Variants in SPACA7 observed in about 807,000 individuals in gnomAD.
The protein encoded by SPACA7 is sperm acrosome-associated protein 7.
SPACA7 carries 19 observed loss-of-function variants against 26.3 expected under a neutral mutation model. The observed-to-expected ratio is 0.72, with a 90% CI of 0.50 to 1.06. The LOEUF (loss-of-function observed/expected upper bound fraction) is 1.06. Among genes scored for constraint, SPACA7 ranks in the 50% least tolerant of loss-of-function variants. The pLI is 0.00. For synonymous variants in SPACA7, 84 were observed against 84.5 expected (o/e 0.99, Z 0.04); for missense variants, 211 against 229.9 (o/e 0.92, Z 0.53).
At chr13:112,401,887 A>C (rs1403031154) in intron 5 of SPACA7, among the ~76,000 whole-genome samples, 2 of 152,184 alleles carry the variant, frequency 1.3e-5, no homozygotes, top group Non-Finnish European at 2.9e-5. Flanking sequence ...ATTACACACA[A>C]AGTTTTTCTG....
intron 4 of SPACA7, 120 bp downstream of exon 4, chr13:112,399,293 T>C (rs1885484979): frequency 2.9e-6 from 2 of 696,548 alleles, no homozygotes; most frequent in Non-Finnish European, 5.2e-6. Flanking sequence ...TGGGAGAATG[T>C]GCCCACTTCC....
intron 5 of SPACA7, among the ~76,000 whole-genome samples, chr13:112,415,965 T>C (rs545096182): frequency 1.3e-5 from 2 of 151,804 alleles, no homozygotes; most frequent in South Asian, 4.2e-4. Context: ...GAGGCCAGCA[T>C]TGAGCTCCAA....
In SPACA7 at chr13:112,396,013, C is replaced by T. The variant is rs866326230; in HGVS notation, c.152-2036C>T. ...CTGGGCAGCTCACCCTGGGGTGGCTCGGCCCCCCGCCTCTCTTTGGCCCCC... is the reference window on the plus strand; with the variant it reads ...CTGGGCAGCTCACCCTGGGGTGGCTTGGCCCCCCGCCTCTCTTTGGCCCCC... On this transcript the variant is annotated intron_variant, in intron 2 of 6. Coordinates refer to ENST00000283550, the MANE Select transcript of SPACA7 (RefSeq NM_145248.5). Among the ~76,000 whole-genome samples the T allele has an allele frequency of 9.2e-4, 135 of 147,202 alleles. 3 individuals carry two copies. The highest frequency in any genetic ancestry group is 3.0e-3 in the African/African-American group (121 of 40,914).
At chr13:112,382,177 T>C (rs774426823) in intron 1 of SPACA7, 6 of 396,760 alleles carry the variant, frequency 1.5e-5, no homozygotes, top group African/African-American at 4.1e-5. Context: ...GCTCTTTCAC[T>C]GTCTCAGTCA....
intron 6 of SPACA7, among the ~76,000 whole-genome samples, chr13:112,433,849 C>T (rs1193095011): frequency 1.3e-5 from 2 of 152,126 alleles, no homozygotes; most frequent in African/African-American, 4.8e-5. Flanking sequence ...CGGCCAATAT[C>T]CCAGATTGTG....
chr13:112,423,837 C>T (rs1458008079), intron 5 of SPACA7, among the ~76,000 whole-genome samples: 3 of 152,294 alleles, frequency 2.0e-5, no homozygotes, highest in Non-Finnish European at 4.4e-5. Flanking sequence ...TAAAACAGAA[C>T]GATTAGACTG....
At chr13:112,423,140 A>G (rs1299330509) in intron 5 of SPACA7, among the ~76,000 whole-genome samples, 1 of 152,206 alleles carries the variant, frequency 6.6e-6, no homozygotes, top group Non-Finnish European at 1.5e-5. Context: ...AAGCGATTCA[A>G]AAATTAAAAG....
At chr13:112,391,577 C>T (rs945640312) in intron 1 of SPACA7, among the ~76,000 whole-genome samples, 2 of 152,146 alleles carry the variant, frequency 1.3e-5, no homozygotes, top group South Asian at 2.1e-4. Flanking sequence ...ACATGGCGTG[C>T]GGCACCTTAA....
intron 1 of SPACA7, among the ~76,000 whole-genome samples, chr13:112,380,471 A>G (rs1883982812): frequency 6.6e-6 from 1 of 151,966 alleles, no homozygotes; most frequent in African/African-American, 2.4e-5. Context: ...TAGCAGACAG[A>G]GAAAATCAAA....
intron 5 of SPACA7, among the ~76,000 whole-genome samples, chr13:112,411,378 AT>A (rs1254363720): frequency 3.3e-5 from 5 of 152,176 alleles, no homozygotes; most frequent in Non-Finnish European, 7.4e-5. Flanking sequence ...ACAATGTGTA[AT>A]GATCAAATCT....
At chr13:112,402,941 G>A (rs1407052852) in intron 5 of SPACA7, among the ~76,000 whole-genome samples, 1 of 151,968 alleles carries the variant, frequency 6.6e-6, no homozygotes, top group Middle Eastern at 3.2e-3. Flanking sequence ...AATGACTCTA[G>A]TCTATGGTTG....
intron 6 of SPACA7, among the ~76,000 whole-genome samples, chr13:112,433,710 AC>A (rs1232871844): frequency 1.3e-5 from 2 of 151,668 alleles, no homozygotes; most frequent in African/African-American, 4.8e-5. Context: ...CCAAGTTCAG[AC>A]TTTGCCAGGC....
chr13:112,430,610 A>G (rs1468652126), intron 5 of SPACA7, among the ~76,000 whole-genome samples: 1 of 152,152 alleles, frequency 6.6e-6, no homozygotes, highest in Non-Finnish European at 1.5e-5. Flanking sequence ...GACTGGGGTG[A>G]TGGCCCCTGG....
At chr13:112,425,012 T>C (rs576556171) in intron 5 of SPACA7, among the ~76,000 whole-genome samples, 2 of 152,198 alleles carry the variant, frequency 1.3e-5, no homozygotes, top group South Asian at 4.1e-4. Context: ...GACCCTTATT[T>C]GAGCAGAGGA....
intron 3 of SPACA7, 72 bp from the exon 4 acceptor site, chr13:112,398,994 T>C (rs1156858719): frequency 2.0e-5 from 18 of 889,372 alleles, no homozygotes; most frequent in Non-Finnish European, 3.1e-5. Context: ...AAATAAAGCA[T>C]GGGCCAAAAA....
chr13:112,376,365 T>A lies in SPACA7; in HGVS notation c.-21T>A, dbSNP rs1260988888. 3 of 1,609,624 alleles carry A rather than the reference T, an allele frequency of 1.9e-6. No individual in the cohort carries two copies. The African/African-American group carries it at 4.0e-5, about 22-fold the overall frequency. The stretch of plus-strand genomic sequence containing the variant: ...AAACTGTCAACCTTCAGAACGTCCT[T>A]CTCCCTCAGCTGGAGGGAGCATGGC... On this transcript the variant is annotated 5_prime_UTR_variant, in exon 1 of 7. Transcript: ENST00000283550.
intron 5 of SPACA7, among the ~76,000 whole-genome samples, chr13:112,415,815 G>A (rs1017666155): frequency 6.6e-6 from 1 of 152,152 alleles, no homozygotes; most frequent in Non-Finnish European, 1.5e-5. Context: ...AATCAGCAGT[G>A]AAGCAGGGCA....
chr13:112,430,273 A>G (rs565258086), intron 5 of SPACA7, among the ~76,000 whole-genome samples: 76 of 150,540 alleles, frequency 5.0e-4, no homozygotes, highest in South Asian at 1.9e-3. Context: ...TATTGAGATC[A>G]CTGGGCTCTG....
At chr13:112,424,844 C>A (rs190060409) in intron 5 of SPACA7, among the ~76,000 whole-genome samples, 425 of 152,242 alleles carry the variant, frequency 2.8e-3, no homozygotes, top group Non-Finnish European at 3.8e-3. Flanking sequence ...CTGCTCTGGG[C>A]TGCAGGTATT....
Sources: gnomAD v4.1 joint callset for allele counts (sites outside exome capture counted in the v4.1 genomes callset) on GRCh38, gnomAD v4.1.1 for gene constraint, MANE v1.5 for transcripts, NCBI Gene and HGNC (gene_info 2026-07-23, HGNC 2026-07-21) for gene names.